COL25A1: variants seen among roughly 807,000 people sequenced by gnomAD.
The protein encoded by COL25A1 is collagen alpha-1(XXV) chain.
COL25A1 carries 103 observed loss-of-function variants against 128.4 expected under a neutral mutation model. The ratio of observed to expected loss-of-function variants is 0.80; its 90% confidence interval spans 0.68 to 0.94. COL25A1 has a LOEUF of 0.94. Among genes scored for constraint, COL25A1 ranks in the 40% least tolerant of loss-of-function variants. COL25A1 has a pLI of 0.00. For missense variants in COL25A1, 745 were observed against 840.0 expected, an observed-to-expected ratio of 0.89 and a Z score of 1.40; for synonymous variants, 279 against 277.2, an observed-to-expected ratio of 1.01 and a Z score of -0.06.
chr4:108,999,382 T>A (rs1218924233), intron 6 of COL25A1, among the ~76,000 whole-genome samples: 1 of 152,180 alleles, frequency 6.6e-6, no homozygotes, highest in Non-Finnish European at 1.5e-5. Flanking sequence ...TCATCACTGG[T>A]CATTAGAGAA....
intron 3 of COL25A1, among the ~76,000 whole-genome samples, chr4:109,183,431 T>A (rs922958029): frequency 1.3e-5 from 2 of 152,186 alleles, no homozygotes; most frequent in African/African-American, 4.8e-5. Flanking sequence ...AGCACTTTTG[T>A]GATTCATGAG....
intron 3 of COL25A1, among the ~76,000 whole-genome samples, chr4:109,260,790 C>T (rs747799618): frequency 4.6e-5 from 7 of 152,080 alleles, no homozygotes; most frequent in South Asian, 4.1e-4. Context: ...GCCACCACAC[C>T]TGGCCATATA....
chr4:108,937,219 C>T (rs1747528937), intron 11 of COL25A1, among the ~76,000 whole-genome samples: 1 of 152,146 alleles, frequency 6.6e-6, no homozygotes, highest in Non-Finnish European at 1.5e-5. Flanking sequence ...GAATTCTACT[C>T]TTCCCGAGCC....
At chr4:109,269,137 G>A (rs1389300727) in intron 3 of COL25A1, among the ~76,000 whole-genome samples, 1 of 138,386 alleles carries the variant, frequency 7.2e-6, no homozygotes, top group Non-Finnish European at 1.5e-5. Context: ...CTGTGTCTAT[G>A]TGATCTCATT....
chr4:109,037,173 ATAATTGT>A (rs1759435783), intron 5 of COL25A1, among the ~76,000 whole-genome samples: 1 of 152,214 alleles, frequency 6.6e-6, no homozygotes, highest in Non-Finnish European at 1.5e-5. Context: ...AAAACATAAA[ATAATTGT>A]TTTTAAATTT....
At chr4:109,236,662 C>G (rs1779499480) in intron 3 of COL25A1, among the ~76,000 whole-genome samples, 1 of 152,062 alleles carries the variant, frequency 6.6e-6, no homozygotes, top group African/African-American at 2.4e-5. Context: ...TGAGTCTCCT[C>G]CAAAAATTAA....
At chr4:108,816,043 C>G (rs550875534) in intron 37 of COL25A1, among the ~76,000 whole-genome samples, 3 of 152,104 alleles carry the variant, frequency 2.0e-5, no homozygotes. Flanking sequence ...ATTAAAAATT[C>G]TGTGAACGGG....
At chr4:108,974,198 C>T (rs1391219377) in intron 8 of COL25A1, among the ~76,000 whole-genome samples, 169 bp downstream of exon 8, 1 of 152,194 alleles carries the variant, frequency 6.6e-6, no homozygotes, top group Non-Finnish European at 1.5e-5. Flanking sequence ...CAACAGAATA[C>T]ATCCAAATCG....
In COL25A1 at chr4:108,960,001, G is replaced by A. The variant is rs1422423753; in HGVS notation, c.492+14366C>T. Among the ~76,000 whole-genome samples, 4 of 152,086 alleles carry A rather than the reference G, an allele frequency of 2.6e-5. No homozygotes were observed. The South Asian group carries it at 8.3e-4, about 31-fold the overall frequency. On this transcript the variant is annotated intron_variant, in intron 8 of 37. Coordinates refer to ENST00000399132, the MANE Select transcript of COL25A1 (RefSeq NM_198721.4). ...ATGACTACTAAAGAAAAGGCTGCAA[G>A]ACTGAAAAGTGATTTTGTACTGAAC...
At chr4:109,200,594 G>A (rs1046395548) in intron 3 of COL25A1, among the ~76,000 whole-genome samples, 1 of 152,058 alleles carries the variant, frequency 6.6e-6, no homozygotes, top group Admixed American at 6.6e-5. Context: ...GGGACTGCAT[G>A]TGTGCACCAC....
At chr4:108,878,417 T>C (rs944390577) in intron 19 of COL25A1, among the ~76,000 whole-genome samples, 3 of 152,100 alleles carry the variant, frequency 2.0e-5, no homozygotes. Flanking sequence ...TTAACGTGTC[T>C]TGACACTGAA....
At chr4:109,018,528 C>A (rs1283032159) in intron 5 of COL25A1, among the ~76,000 whole-genome samples, 1 of 152,138 alleles carries the variant, frequency 6.6e-6, no homozygotes, top group Non-Finnish European at 1.5e-5. Flanking sequence ...CTGGCCCCAT[C>A]CTCTCAATGG....
chr4:109,277,837 C>T (rs193065040), intron 3 of COL25A1, among the ~76,000 whole-genome samples: 239 of 152,174 alleles, frequency 1.6e-3, no homozygotes, highest in African/African-American at 5.2e-3. Context: ...GAACTGCAAA[C>T]AAAATGTGCT....
Position 109,254,505 on chromosome 4 carries a change from A to ATG in COL25A1, c.367+46076_367+46077dup, listed in dbSNP as rs1553968414. Among the ~76,000 whole-genome samples the ATG allele has an allele frequency of 3.2e-4, 34 of 104,998 alleles. 1 individual carries two copies. Among genetic ancestry groups the ATG allele is most frequent in the Non-Finnish European group, 4.6e-4 (24 of 51,874 alleles). 68.9% of individuals were successfully genotyped at this position (104,998 alleles called of 152,430 possible). ...TATATATATATATATATATATATATATGTATGTGTGTATATACATATACAT... is the reference window on the plus strand; with the variant it reads ...TATATATATATATATATATATATATATGTGTATGTGTGTATATACATATACAT... On this transcript the variant is annotated intron_variant, in intron 3 of 37. Transcript: ENST00000399132.
chr4:108,945,087 C>G (rs1452292337), intron 8 of COL25A1, among the ~76,000 whole-genome samples: 1 of 152,068 alleles, frequency 6.6e-6, no homozygotes, highest in Non-Finnish European at 1.5e-5. Flanking sequence ...ATGCCAGCAT[C>G]CTACAGAGTG....
intron 3 of COL25A1, among the ~76,000 whole-genome samples, chr4:109,249,181 G>T (rs1780482552): frequency 6.6e-6 from 1 of 152,138 alleles, no homozygotes. Flanking sequence ...CAAAAGTAAT[G>T]ACTCTTCTCT....
chr4:109,203,065 A>T (rs1776701626), intron 3 of COL25A1, among the ~76,000 whole-genome samples: 3 of 152,142 alleles, frequency 2.0e-5, no homozygotes, highest in African/African-American at 7.2e-5. Context: ...TTGTAGATGG[A>T]AAAGTCCCTG....
intron 8 of COL25A1, among the ~76,000 whole-genome samples, chr4:108,950,345 A>G (rs1189698501): frequency 6.6e-6 from 1 of 152,146 alleles, no homozygotes; most frequent in Non-Finnish European, 1.5e-5. Context: ...AGAAATGGCC[A>G]TGTGACGTGC....
intron 19 of COL25A1, among the ~76,000 whole-genome samples, chr4:108,870,798 G>A (rs1193792004): frequency 6.6e-6 from 1 of 152,150 alleles, no homozygotes; most frequent in African/African-American, 2.4e-5. Flanking sequence ...TAAAGTCAAT[G>A]TGTATCATTG....
Sources: gnomAD v4.1 joint callset for allele counts (sites outside exome capture counted in the v4.1 genomes callset) on GRCh38, gnomAD v4.1.1 for gene constraint, MANE v1.5 for transcripts, NCBI Gene and HGNC (gene_info 2026-07-23, HGNC 2026-07-21) for gene names.